The following NUP210 variants were observed in gnomAD, a reference collection of about 807,000 sequenced individuals.
NUP210 encodes the protein nuclear pore membrane glycoprotein 210.
A neutral mutation model predicts 196.0 loss-of-function variants in NUP210; 151 were observed. That is an observed-to-expected ratio of 0.77 (90% confidence interval 0.67 to 0.88). The LOEUF is 0.88. Among genes scored for constraint, NUP210 ranks in the 40% least tolerant of loss-of-function variants. The pLI, the probability that NUP210 is intolerant of heterozygous loss-of-function variation, is 0.00. For synonymous variants in NUP210, 1,070 were observed against 1,052.7 expected (o/e 1.02, Z -0.32); for missense variants, 2,314 against 2,493.7 (o/e 0.93, Z 1.53).
At position 13,319,214 on chromosome 3, in the gene NUP210, C is replaced by A. The variant is rs114140031; in HGVS notation, c.5479+16G>T. The A allele has an allele frequency of 6.2e-7, 1 of 1,612,158 alleles. No individual in the cohort carries two copies. The highest frequency in any genetic ancestry group is 8.5e-7 in the Non-Finnish European group (1 of 1,179,106). The stretch of plus-strand genomic sequence containing the variant: ...GGGCAGGGGAACAGACCCAGAGATA[C>A]AGGCAGCCTCCTCACCTATGATCAT... On this transcript the variant is annotated intron_variant, in intron 38 of 39. Coordinates refer to ENST00000254508, the MANE Select transcript of NUP210 (RefSeq NM_024923.4).
chr3:13,404,858 G>A (rs1699954827), intron 1 of NUP210, among the ~76,000 whole-genome samples: 1 of 152,140 alleles, frequency 6.6e-6, no homozygotes, highest in African/African-American at 2.4e-5. Flanking sequence ...CCAGGATCTG[G>A]GGAGAGAAGA....
intron 16 of NUP210, among the ~76,000 whole-genome samples, chr3:13,357,404 T>C (rs946797893): frequency 2.0e-5 from 3 of 152,208 alleles, no homozygotes; most frequent in African/African-American, 7.2e-5. Flanking sequence ...TCCATCTTAT[T>C]TGTGCATCTC....
intron 6 of NUP210, among the ~76,000 whole-genome samples, chr3:13,385,355 C>T (rs1699238389): frequency 6.6e-6 from 1 of 152,214 alleles, no homozygotes; most frequent in Non-Finnish European, 1.5e-5. Context: ...GACCTGAGAG[C>T]TCTTATGCCC....
chr3:13,337,181 A>C (rs1697250532), intron 26 of NUP210, among the ~76,000 whole-genome samples: 1 of 152,110 alleles, frequency 6.6e-6, no homozygotes, highest in African/African-American at 2.4e-5. Flanking sequence ...GAGTCCCTGG[A>C]GCTCTAGGAG....
At chr3:13,397,200 C>T (rs1397617299) in intron 3 of NUP210, among the ~76,000 whole-genome samples, 157 bp downstream of exon 3, 5 of 152,114 alleles carry the variant, frequency 3.3e-5, no homozygotes, top group African/African-American at 1.2e-4. Flanking sequence ...TTCAGCATCT[C>T]CCCCAGCACC....
At chr3:13,413,827 T>C (rs181776678) in intron 1 of NUP210, among the ~76,000 whole-genome samples, 3 of 152,274 alleles carry the variant, frequency 2.0e-5, no homozygotes, top group African/African-American at 7.2e-5. Context: ...CACCTAAAAA[T>C]GGTTAAGGAG....
Position 13,365,928 on chromosome 3 carries a change from G to A in NUP210, c.1932+18C>T. On this transcript the variant is annotated intron_variant, in intron 14 of 39. Transcript: ENST00000254508. ...GGAGTGGGCAGGGGGGTGGTAAAGGGCAGGGCCCCTGGCTCACCTTGAGGG... is the reference window on the plus strand; with the variant it reads ...GGAGTGGGCAGGGGGGTGGTAAAGGACAGGGCCCCTGGCTCACCTTGAGGG... The A allele has an allele frequency of 1.2e-6, 2 of 1,613,790 alleles. No homozygotes were observed. The highest frequency in any genetic ancestry group is 1.7e-6 in the Non-Finnish European group (2 of 1,179,714).
At position 13,327,279 on chromosome 3, in the gene NUP210, A is replaced by T. The variant is rs746252206; in HGVS notation, c.4445T>A (p.Leu1482Gln). 3.7e-6 allele frequency: 6 copies of T among 1,613,372 alleles called. No individual in the cohort carries two copies. In the African/African-American group the frequency reaches 6.7e-5, roughly 18 times the overall value. ...GTCCCCCACCACCATGGCCCCAGAC[A>T]GCTCTGGGGAGATGGCCTGTAGGAC... The part of the protein sequence containing the change: ...LPVLQAISPE[L>Q]SGAMVVGDVL... The change falls in exon 32 of 40, where the codon CTG (leucine) becomes CAG (glutamine). Residue 1482 changes from leucine to glutamine, a missense_variant. By Grantham distance (113) the Leu-to-Gln change is moderately radical. Transcript: ENST00000254508.
intron 36 of NUP210, among the ~76,000 whole-genome samples, chr3:13,320,591 C>T (rs1406558721): frequency 4.7e-5 from 7 of 148,518 alleles, no homozygotes; most frequent in Non-Finnish European, 1.0e-4. Context: ...CAAGATAGTG[C>T]CACTGCACTC....
intron 10 of NUP210, among the ~76,000 whole-genome samples, chr3:13,375,939 C>T (rs1160977865): frequency 2.0e-5 from 3 of 152,204 alleles, no homozygotes; most frequent in African/African-American, 7.2e-5. Context: ...TAAAGCAGCC[C>T]GCCCAGCCCC....
intron 5 of NUP210, among the ~76,000 whole-genome samples, chr3:13,387,730 C>A (rs899313806): frequency 1.3e-5 from 2 of 152,192 alleles, no homozygotes; most frequent in Non-Finnish European, 2.9e-5. Flanking sequence ...GAGAAGGAAC[C>A]AGGACGTTGG....
Position 13,317,576 on chromosome 3 carries a change from A to G in NUP210, c.*105T>C, listed in dbSNP as rs1696318761. 1.2e-6 allele frequency: 1 copy of G among 834,470 alleles called. No homozygotes were observed. The allele number at this position is 834,470 out of a possible 1,614,324, so 51.7% of individuals were successfully genotyped here. A position where few individuals can be genotyped will look rare whatever the true frequency, so the allele number is the denominator to read the frequency against. ...AGTGAAGCTGGCCTGGGGCCGGGGC[A>G]CTCATCTGGAGGGGCTTGTTCCAGT... On this transcript the variant is annotated 3_prime_UTR_variant, in exon 40 of 40. Transcript: ENST00000254508.
chr3:13,342,067 C>G lies in NUP210; in HGVS notation c.3021G>C (p.Lys1007Asn). ...AGGGGAAGTATTTGGCAAGGAAGGG[C>G]TTCTTGTGCAAGTCCAGCACGCGGA... ...AYVRVLDLHKKPFLAKYFPFM... is the reference protein window; with the variant it reads ...AYVRVLDLHKNPFLAKYFPFM... Residue 1007 changes from lysine (K) to asparagine (N), a missense_variant, in exon 22 of 40, where the codon AAG becomes AAC. By Grantham distance (94) the Lys-to-Asn change is moderately conservative. Transcript: ENST00000254508. 1 of 1,614,204 alleles carries G rather than the reference C, an allele frequency of 6.2e-7. No individual in the cohort carries two copies. Among genetic ancestry groups the G allele is most frequent in the East Asian group, 2.2e-5 (1 of 44,888 alleles).
intron 5 of NUP210, among the ~76,000 whole-genome samples, chr3:13,386,780 T>C (rs1454721495): frequency 6.6e-6 from 1 of 152,130 alleles, no homozygotes. Context: ...TCCAGGGAAC[T>C]TGAGAAGCCC....
chr3:13,419,496 C>T (rs2124973704), intron 1 of NUP210, among the ~76,000 whole-genome samples: 1 of 152,324 alleles, frequency 6.6e-6, no homozygotes, highest in South Asian at 2.1e-4. Flanking sequence ...TGAGGGGAAG[C>T]GCCGGCCTGC....
intron 18 of NUP210, among the ~76,000 whole-genome samples, chr3:13,352,684 GC>G (rs1474801599): frequency 1.3e-5 from 2 of 152,208 alleles, no homozygotes; most frequent in African/African-American, 2.4e-5. Context: ...CAGATCTGAG[GC>G]CCCCAGGAAT....
At chr3:13,358,124 G>T in intron 16 of NUP210, 98 bp downstream of exon 16, 1 of 1,091,218 alleles carries the variant, frequency 9.2e-7, no homozygotes, top group Non-Finnish European at 1.3e-6. Flanking sequence ...GTGGAGCTAT[G>T]TCCGTTGCAA....
intron 16 of NUP210, 43 bp downstream of exon 16, chr3:13,358,179 C>T (rs564705326): frequency 9.0e-6 from 14 of 1,552,208 alleles, no homozygotes; most frequent in African/African-American, 6.8e-5. Flanking sequence ...CCTGCCCAAG[C>T]GGGTGGCACC....
chr3:13,415,445 C>T (rs1187129169), intron 1 of NUP210, among the ~76,000 whole-genome samples: 1 of 152,172 alleles, frequency 6.6e-6, no homozygotes, highest in East Asian at 1.9e-4. Context: ...GATGATAACG[C>T]AATCGACCAA....
Sources: gnomAD v4.1 joint callset for allele counts (sites outside exome capture counted in the v4.1 genomes callset) on GRCh38, gnomAD v4.1.1 for gene constraint, MANE v1.5 for transcripts, NCBI Gene and HGNC (gene_info 2026-07-23, HGNC 2026-07-21) for gene names.